The following MYOF variants were observed in gnomAD, a reference collection of about 807,000 sequenced individuals.
The protein encoded by MYOF is fer-1-like 3, myoferlin.
MYOF carries 244 observed loss-of-function variants against 284.2 expected under a neutral mutation model. The observed-to-expected ratio is 0.86, with a 90% confidence interval of 0.77 to 0.95. MYOF has a LOEUF of 0.95. Among genes scored for constraint, MYOF ranks in the 40% least tolerant of loss-of-function variants. The pLI, the probability that MYOF is intolerant of heterozygous loss-of-function variation, is 0.00. For missense variants in MYOF, 2,496 were observed against 2,560.6 expected, an observed-to-expected ratio of 0.97 and a Z score of 0.54; for synonymous variants, 904 against 919.7, an observed-to-expected ratio of 0.98 and a Z score of 0.31.
intron 5 of MYOF, among the ~76,000 whole-genome samples, chr10:93,410,232 A>G (rs1332173170): frequency 2.0e-4 from 30 of 152,170 alleles, no homozygotes; most frequent in Non-Finnish European, 1.5e-5. Context: ...CCCTAATGGC[A>G]GAAGAGAAAC....
chr10:93,373,901 T>G (rs1845712963), intron 23 of MYOF, among the ~76,000 whole-genome samples: 1 of 152,200 alleles, frequency 6.6e-6, no homozygotes, highest in South Asian at 2.1e-4. Context: ...AGGGTACATG[T>G]GCACAATGTG....
At chr10:93,323,030 G>A (rs754891757) in intron 48 of MYOF, 48 bp downstream of exon 48, 1 of 1,528,136 alleles carries the variant, frequency 6.5e-7, no homozygotes, top group East Asian at 2.2e-5. Context: ...ACGAAGGAGA[G>A]AGTCTGTTTC....
chr10:93,468,436 A>G (rs2057061148), intron 1 of MYOF, among the ~76,000 whole-genome samples: 1 of 152,254 alleles, frequency 6.6e-6, no homozygotes, highest in Non-Finnish European at 1.5e-5. Flanking sequence ...CAGGTGTTGG[A>G]ATCAGAACTA....
rs1846031175 is a variant in MYOF at position 93,379,875 on chromosome 10, C to A, written c.1989G>T (p.Met663Ile). 1 of 1,613,650 alleles carries A rather than the reference C, an allele frequency of 6.2e-7. No homozygotes were observed. Among genetic ancestry groups the A allele is most frequent in the African/African-American group, 1.3e-5 (1 of 74,898 alleles). ...RLDAVNTLLA[M>I]AERLQTNIEA... ...AAGAGAAACTTACCAGCCGTTCTGC[C>A]ATAGCTAGGAGAGTGTTCACCGCAT... The change falls in exon 21 of 54, where the codon ATG (methionine) becomes ATT (isoleucine). Residue 663 changes from methionine (M) to isoleucine (I), a missense_variant. Met to Ile is a conservative substitution (Grantham distance 10). Coordinates refer to ENST00000359263, the MANE Select transcript of MYOF (RefSeq NM_013451.4).
chr10:93,459,181 C>T (rs573507201), intron 1 of MYOF, among the ~76,000 whole-genome samples: 6 of 152,270 alleles, frequency 3.9e-5, no homozygotes, highest in South Asian at 2.1e-4. Flanking sequence ...AGACGCTGTC[C>T]AGAAACTTCC....
intron 27 of MYOF, 35 bp from the exon 28 acceptor site, chr10:93,361,592 T>C (rs1422353948): frequency 6.2e-7 from 1 of 1,607,192 alleles, no homozygotes; most frequent in East Asian, 2.2e-5. Context: ...AGAAGAGAGG[T>C]AAGCCATAGT....
chr10:93,382,945 G>A (rs946465949), intron 19 of MYOF, among the ~76,000 whole-genome samples: 1 of 152,178 alleles, frequency 6.6e-6, no homozygotes, highest in African/African-American at 2.4e-5. Context: ...ACCCTGGCTG[G>A]AGTACAGTGG....
chr10:93,451,977 T>A, intron 3 of MYOF, 73 bp downstream of exon 3: 16 of 1,039,152 alleles, frequency 1.5e-5, no homozygotes, highest in Non-Finnish European at 2.2e-5. Context: ...ATTAAAGATG[T>A]GTCTCTTCAA....
Position 93,328,870 on chromosome 10 carries a change from T to C in MYOF, c.5024A>G (p.Gln1675Arg), listed in dbSNP as rs759543212. The C allele has an allele frequency of 5.6e-6, 9 of 1,613,546 alleles. No individual in the cohort carries two copies. The East Asian group carries it at 2.0e-4, about 36-fold the overall frequency. Residue 1675 changes from glutamine to arginine, a missense_variant, in exon 45 of 54, where the codon CAG becomes CGG. Gln to Arg is a conservative substitution (Grantham distance 43). This residue lies in a region of MYOF where 2,436 missense variants were observed against 2,480.7 expected (regional missense o/e 0.98). Coordinates refer to ENST00000359263, the MANE Select transcript of MYOF (RefSeq NM_013451.4). ...GAATCTGGCGACATTTTGAAGCAGC[T>C]GTGTTGGTCTCAGTTGATCTCGCCA... ...NTWRDQLRPT[Q>R]LLQNVARFKG...
At chr10:93,409,782 C>T (rs1847821701) in intron 5 of MYOF, 43 bp from the exon 6 acceptor site, 1 of 1,600,614 alleles carries the variant, frequency 6.2e-7, no homozygotes, top group African/African-American at 1.4e-5. Flanking sequence ...AGCCCTTATC[C>T]TGTAAATGTC....
intron 1 of MYOF, among the ~76,000 whole-genome samples, chr10:93,480,387 C>CA (rs987578665): frequency 1.8e-4 from 26 of 145,956 alleles, no homozygotes; most frequent in African/African-American, 5.8e-4. Flanking sequence ...CAGTCTTATT[C>CA]AAAAAAATTT....
intron 5 of MYOF, among the ~76,000 whole-genome samples, chr10:93,425,236 C>T (rs1589548403): frequency 6.6e-6 from 1 of 152,236 alleles, no homozygotes; most frequent in East Asian, 1.9e-4. Flanking sequence ...CCACCACGCC[C>T]AGCCAGGAGG....
rs1842113442 is a variant in MYOF at position 93,306,735 on chromosome 10, A to ACTT, written c.*225_*227dup. 2.1e-6 allele frequency: 1 copy of ACTT among 482,982 alleles called. No individual in the cohort carries two copies. The highest frequency in any genetic ancestry group is 4.2e-5 in the Admixed American group (1 of 23,652). 29.9% of individuals were successfully genotyped at this position (482,982 alleles called of 1,614,324 possible). The stretch of plus-strand genomic sequence containing the variant: ...AAATATTTTGAAAAACATGATTTAA[A>ACTT]CTTTAGAAAATAAAACTTTTAATAC... On this transcript the variant is annotated 3_prime_UTR_variant, in exon 54 of 54. Coordinates refer to ENST00000359263, the MANE Select transcript of MYOF (RefSeq NM_013451.4).
chr10:93,386,414 A>G (rs1482085079), intron 19 of MYOF, among the ~76,000 whole-genome samples: 1 of 152,158 alleles, frequency 6.6e-6, no homozygotes, highest in Non-Finnish European at 1.5e-5. Context: ...TCTCTTTAGT[A>G]AAAAAACAAA....
intron 19 of MYOF, among the ~76,000 whole-genome samples, chr10:93,381,898 G>A (rs1417369285): frequency 7.2e-5 from 11 of 152,020 alleles, no homozygotes; most frequent in Non-Finnish European, 1.5e-4. Context: ...TTAGCTGGGC[G>A]TGGTGGTGCA....
At chr10:93,327,886 T>C (rs1368085093) in intron 45 of MYOF, among the ~76,000 whole-genome samples, 1 of 152,102 alleles carries the variant, frequency 6.6e-6, no homozygotes, top group Non-Finnish European at 1.5e-5. Context: ...GCCTCCTGAG[T>C]AGCTGGGATT....
intron 13 of MYOF, among the ~76,000 whole-genome samples, chr10:93,398,462 G>A (rs1036514927): frequency 5.9e-5 from 9 of 152,060 alleles, no homozygotes; most frequent in Admixed American, 1.3e-4. Context: ...CCATGTGTTC[G>A]TTTCTATATC....
intron 32 of MYOF, among the ~76,000 whole-genome samples, chr10:93,352,169 G>C (rs1002788925): frequency 4.6e-5 from 7 of 152,128 alleles, no homozygotes; most frequent in African/African-American, 1.2e-4. Context: ...AGATACACCT[G>C]GGGTCAACAC....
rs777666427 is a variant in MYOF at position 93,396,261 on chromosome 10, A to C, written c.1335-37T>G. On this transcript the variant is annotated intron_variant, in intron 15 of 53. Transcript: ENST00000359263. The stretch of plus-strand genomic sequence containing the variant: ...ATAAAAATAAAAAAATAAAAAATAA[A>C]AGGTTCAGAGCTCCATCTAGGAAGA... 3 of 1,453,016 alleles carry C rather than the reference A, an allele frequency of 2.1e-6. No individual in the cohort carries two copies. In the Admixed American group the frequency reaches 5.8e-5, roughly 28 times the overall value. 90.0% of individuals were successfully genotyped at this position (1,453,016 alleles called of 1,614,324 possible).
Sources: allele counts gnomAD v4.1 joint callset (sites outside exome capture counted in the v4.1 genomes callset), GRCh38; gene constraint gnomAD v4.1.1; regional missense constraint gnomAD v4.1.1; transcripts MANE v1.5; gene names NCBI Gene and HGNC (gene_info 2026-07-23, HGNC 2026-07-21).